MAGI3: variants seen among roughly 807,000 people sequenced by gnomAD.
MAGI3 encodes membrane-associated guanylate kinase, WW and PDZ domain-containing protein 3.
Under a neutral mutation model 121.8 loss-of-function variants are expected in MAGI3, and 43 were observed. The ratio of observed to expected loss-of-function variants is 0.35; its 90% CI spans 0.28 to 0.46. The LOEUF is 0.46. MAGI3 is among the 20% of genes least tolerant of loss of function. MAGI3 has a pLI of 1.00. For missense variants in MAGI3, 1,547 were observed against 1,797.3 expected (o/e 0.86, Z 2.52); for synonymous variants, 553 against 639.3 (o/e 0.86, Z 2.04).
At chr1:113,632,907 TTTA>T (rs1460618980) in intron 9 of MAGI3, among the ~76,000 whole-genome samples, 4 of 152,054 alleles carry the variant, frequency 2.6e-5, no homozygotes, top group East Asian at 1.9e-4. Flanking sequence ...TAGTTTTTTT[TTTA>T]TTATTATTAT....
At chr1:113,396,840 G>A (rs979541132) in intron 1 of MAGI3, among the ~76,000 whole-genome samples, 1 of 152,102 alleles carries the variant, frequency 6.6e-6, no homozygotes, top group African/African-American at 2.4e-5. Flanking sequence ...AGGAATACCT[G>A]TAGTAAGGGT....
intron 11 of MAGI3, 37 bp downstream of exon 11, chr1:113,643,811 A>G: frequency 6.3e-7 from 1 of 1,589,986 alleles, no homozygotes; most frequent in South Asian, 1.1e-5. Context: ...TTTCCCCAAC[A>G]CACTGAGAGA....
chr1:113,530,335 A>G (rs1658647566), intron 1 of MAGI3, among the ~76,000 whole-genome samples: 1 of 151,864 alleles, frequency 6.6e-6, no homozygotes, highest in African/African-American at 2.4e-5. Context: ...AAAAAAAAAA[A>G]AAGACAACTT....
At chr1:113,680,205 AG>A (rs1648129436) in intron 19 of MAGI3, among the ~76,000 whole-genome samples, 1 of 152,212 alleles carries the variant, frequency 6.6e-6, no homozygotes, top group East Asian at 1.9e-4. Context: ...AGGCCAGGAA[AG>A]GCTTCAAAGA....
At chr1:113,432,965 G>A (rs533192587) in intron 1 of MAGI3, among the ~76,000 whole-genome samples, 1 of 151,992 alleles carries the variant, frequency 6.6e-6, no homozygotes, top group Non-Finnish European at 1.5e-5. Context: ...GATCACTTGA[G>A]GCCAGGAGTT....
At chr1:113,406,732 C>A (rs951937278) in intron 1 of MAGI3, among the ~76,000 whole-genome samples, 1 of 151,940 alleles carries the variant, frequency 6.6e-6, no homozygotes, top group Non-Finnish European at 1.5e-5. Flanking sequence ...CATAGTGAGA[C>A]CCTGTCTCTA....
At chr1:113,584,967 C>CTTTTTTTTTTTT (rs58296325) in intron 3 of MAGI3, among the ~76,000 whole-genome samples, 1 of 135,724 alleles carries the variant, frequency 7.4e-6, no homozygotes, top group African/African-American at 2.8e-5. Flanking sequence ...TAGATATTTC[C>CTTTTTTTTTTTT]TTTTTTTTTT....
chr1:113,643,729 A>AT lies in MAGI3; in HGVS notation c.1967-4dup, dbSNP rs548097728. ...ATCCTCTGGTTTTAAACTTTGGTTCATTTTTTTTTTAAGGTCCTCCTTCAC... is the reference window on the plus strand; with the variant it reads ...ATCCTCTGGTTTTAAACTTTGGTTCATTTTTTTTTTTAAGGTCCTCCTTCAC... On this transcript the variant is annotated splice_polypyrimidine_tract_variant and intron_variant, in intron 10 of 20. Coordinates refer to ENST00000307546, the MANE Select transcript of MAGI3 (RefSeq NM_001142782.2). 8.3e-3 allele frequency: 10,093 copies of AT among 1,217,822 alleles called. 1 individual carries two copies. The highest frequency in any genetic ancestry group is 9.2e-3 in the Non-Finnish European group (8,112 of 881,160). 75.4% of individuals were successfully genotyped at this position (1,217,822 alleles called of 1,614,324 possible). A position where few individuals can be genotyped will look rare whatever the true frequency, so the allele number is the denominator to read the frequency against.
intron 1 of MAGI3, among the ~76,000 whole-genome samples, chr1:113,494,176 A>G (rs1656804306): frequency 6.6e-6 from 1 of 152,198 alleles, no homozygotes; most frequent in South Asian, 2.1e-4. Flanking sequence ...TGGCATTCTA[A>G]GCGGCCATCA....
intron 1 of MAGI3, among the ~76,000 whole-genome samples, chr1:113,489,465 A>T (rs1465083196): frequency 6.6e-6 from 1 of 152,190 alleles, no homozygotes; most frequent in African/African-American, 2.4e-5. Context: ...GAACCCTGAC[A>T]ACTCAAAAAG....
At chr1:113,553,045 T>G (rs535299453) in intron 2 of MAGI3, among the ~76,000 whole-genome samples, 3 of 152,190 alleles carry the variant, frequency 2.0e-5, no homozygotes, top group African/African-American at 7.2e-5. Flanking sequence ...TGATACTTAC[T>G]CCAAAAATCT....
At chr1:113,474,846 C>A (rs1467469731) in intron 1 of MAGI3, among the ~76,000 whole-genome samples, 1 of 152,202 alleles carries the variant, frequency 6.6e-6, no homozygotes. Flanking sequence ...GCCATTTTCA[C>A]AATATGGATT....
intron 1 of MAGI3, among the ~76,000 whole-genome samples, chr1:113,468,312 T>C (rs1356931458): frequency 1.3e-5 from 2 of 152,196 alleles, no homozygotes; most frequent in African/African-American, 4.8e-5. Flanking sequence ...GTGGTTATTT[T>C]CTTTGGTAGA....
At chr1:113,475,163 T>C (rs772651294) in intron 1 of MAGI3, among the ~76,000 whole-genome samples, 1 of 152,192 alleles carries the variant, frequency 6.6e-6, no homozygotes, top group Non-Finnish European at 1.5e-5. Flanking sequence ...TTTCTAAATA[T>C]ATAATCATGT....
intron 10 of MAGI3, 96 bp from the exon 11 acceptor site, chr1:113,643,647 T>C: frequency 8.7e-7 from 1 of 1,152,388 alleles, no homozygotes; most frequent in Non-Finnish European, 1.3e-6. Context: ...ACTAGCGTAC[T>C]AAAAGTTGAA....
intron 1 of MAGI3, among the ~76,000 whole-genome samples, chr1:113,497,408 A>G (rs1246660433): frequency 9.4e-6 from 1 of 106,692 alleles, no homozygotes; most frequent in Non-Finnish European, 1.9e-5. Context: ...TGGGAAGCGC[A>G]AGGGGTCAGG....
chr1:113,523,534 CTT>C (rs1383857628), intron 1 of MAGI3, among the ~76,000 whole-genome samples: 1 of 152,138 alleles, frequency 6.6e-6, no homozygotes, highest in Admixed American at 6.5e-5. Context: ...AAAGGTGACT[CTT>C]GTTATGTTTT....
rs143413701 is a variant in MAGI3 at position 113,559,973 on chromosome 1, G to A, written c.433+10342G>A. The stretch of plus-strand genomic sequence containing the variant: ...ACAATAGTAGGCAGATCATTGAGAC[G>A]GAAAATTAACAAAGATATTCAGGAC... On this transcript the variant is annotated intron_variant, in intron 2 of 20. Transcript: ENST00000307546. 2.1e-3 allele frequency among the ~76,000 whole-genome samples: 318 copies of A among 152,162 alleles called. 3 individuals are homozygous for A. The highest frequency in any genetic ancestry group is 7.3e-3 in the African/African-American group (304 of 41,494).
chr1:113,540,431 G>A (rs916386170), intron 1 of MAGI3, among the ~76,000 whole-genome samples: 12 of 152,176 alleles, frequency 7.9e-5, no homozygotes, highest in African/African-American at 2.9e-4. Context: ...GGACTCCAGA[G>A]TTCTGCCCAC....
Sources: allele counts gnomAD v4.1 joint callset (sites outside exome capture counted in the v4.1 genomes callset), GRCh38; gene constraint gnomAD v4.1.1; transcripts MANE v1.5; gene names NCBI Gene and HGNC (gene_info 2026-07-23, HGNC 2026-07-21).